Variants in NOCT observed in about 807,000 individuals in gnomAD.
NOCT encodes nocturnin.
A neutral mutation model predicts 35.0 loss-of-function variants in NOCT; 18 were observed. The observed-to-expected ratio is 0.51, with a 90% CI of 0.36 to 0.76. The LOEUF (loss-of-function observed/expected upper bound fraction) is 0.76. NOCT is among the 30% of genes least tolerant of loss of function. The probability of loss-of-function intolerance (pLI) is 0.01; values close to 1 mark genes in which losing one functional copy is unlikely to be tolerated. For missense variants in NOCT, 479 were observed against 541.0 expected (o/e 0.89, Z 1.14); for synonymous variants, 235 against 226.3 (o/e 1.04, Z -0.34).
At chr4:139,044,089 C>G (rs1726891581) in intron 2 of NOCT, among the ~76,000 whole-genome samples, 1 of 149,840 alleles carries the variant, frequency 6.7e-6, no homozygotes, top group Admixed American at 6.7e-5. Flanking sequence ...GTAGCATTGC[C>G]TTTTATGTAA....
intron 1 of NOCT, among the ~76,000 whole-genome samples, chr4:139,017,663 C>T (rs937066041): frequency 6.6e-6 from 1 of 151,680 alleles, no homozygotes; most frequent in Non-Finnish European, 1.5e-5. Context: ...GGCGTGGTGG[C>T]ACTCGCCTGT....
chr4:139,024,216 A>C (rs932231711), intron 1 of NOCT, among the ~76,000 whole-genome samples: 1 of 151,968 alleles, frequency 6.6e-6, no homozygotes, highest in African/African-American at 2.4e-5. Flanking sequence ...GTGCTCCACC[A>C]TGCCTACCTA....
chr4:139,028,688 T>C (rs1726570101), intron 1 of NOCT, among the ~76,000 whole-genome samples: 1 of 152,218 alleles, frequency 6.6e-6, no homozygotes. Context: ...AAGGTGCAGG[T>C]AACTTTCTCC....
rs892032066 is a variant in NOCT at position 139,043,327 on chromosome 4, G to C, written c.444G>C (p.Trp148Cys). 3.1e-6 allele frequency: 5 copies of C among 1,613,536 alleles called. No individual in the cohort carries two copies. Among genetic ancestry groups the C allele is most frequent in the African/African-American group, 2.7e-5 (2 of 74,904 alleles). Residue 148 changes from tryptophan to cysteine, a missense_variant, in exon 2 of 3, where the codon TGG becomes TGC. Physicochemically the swap from Trp to Cys is radical, Grantham distance 215 (BLOSUM62 -2). Around this residue, in one of 2 missense-constraint regions of NOCT, gnomAD observed 265 missense variants for 257.0 expected, o/e 1.03. Coordinates refer to ENST00000280614, the MANE Select transcript of NOCT (RefSeq NM_012118.4). ...ACCCACCTATCAGGGTTATGCAATG[G>C]AACATCCTCGCCCAAGGTATGCTGG... ...STHPPIRVMQ[W>C]NILAQALGEG... is the part of the protein sequence containing the mutation.
intron 1 of NOCT, among the ~76,000 whole-genome samples, chr4:139,021,043 G>A (rs1560728798): frequency 6.7e-6 from 1 of 148,430 alleles, no homozygotes; most frequent in East Asian, 2.0e-4. Flanking sequence ...CTCCAGCCTG[G>A]GCGACAGTAG....
intron 1 of NOCT, among the ~76,000 whole-genome samples, chr4:139,022,411 T>G (rs1726434108): frequency 6.6e-6 from 1 of 152,096 alleles, no homozygotes; most frequent in African/African-American, 2.4e-5. Context: ...ATTGGTACCA[T>G]CCAATTTGAA....
At chr4:139,031,308 C>A (rs1726619441) in intron 1 of NOCT, among the ~76,000 whole-genome samples, 1 of 152,016 alleles carries the variant, frequency 6.6e-6, no homozygotes. Context: ...CACCACCATG[C>A]CTGGCTAATT....
In NOCT at chr4:139,041,165, C is replaced by G. The variant is rs1384910448; in HGVS notation, c.191-1909C>G. Among the ~76,000 whole-genome samples the G allele has an allele frequency of 2.6e-5, 4 of 152,148 alleles. No individual in the cohort carries two copies. The East Asian group carries it at 7.7e-4, about 29-fold the overall frequency. On this transcript the variant is annotated intron_variant, in intron 1 of 2. Coordinates refer to ENST00000280614, the MANE Select transcript of NOCT (RefSeq NM_012118.4). ...CTAGCTTTCTTACTGGAGGGAAAAACTACTTTGAGTAGACAGGAAGGAACA... is the reference window on the plus strand; with the variant it reads ...CTAGCTTTCTTACTGGAGGGAAAAAGTACTTTGAGTAGACAGGAAGGAACA...
intron 1 of NOCT, among the ~76,000 whole-genome samples, chr4:139,041,495 T>G (rs1205537778): frequency 6.6e-6 from 1 of 152,206 alleles, no homozygotes; most frequent in Non-Finnish European, 1.5e-5. Context: ...TAATTTATAC[T>G]ATAATGAAAA....
intron 1 of NOCT, among the ~76,000 whole-genome samples, chr4:139,032,262 G>A (rs1283298051): frequency 0.028 from 2 of 72 alleles, no homozygotes; most frequent in Non-Finnish European, 0.048. Flanking sequence ...TCAGTGGCAG[G>A]GGGATGGGGT....
intron 1 of NOCT, among the ~76,000 whole-genome samples, chr4:139,037,781 A>G (rs1353658170): frequency 1.3e-5 from 2 of 152,094 alleles, no homozygotes; most frequent in African/African-American, 4.8e-5. Flanking sequence ...TCAGCTACTC[A>G]GGAGGCTGAG....
chr4:139,033,847 G>T (rs1726669841), intron 1 of NOCT, among the ~76,000 whole-genome samples: 1 of 151,670 alleles, frequency 6.6e-6, no homozygotes. Flanking sequence ...TGATCCTCCT[G>T]CCCTAGCCAC....
chr4:139,029,632 A>T (rs995378109), intron 1 of NOCT, among the ~76,000 whole-genome samples: 2 of 152,146 alleles, frequency 1.3e-5, no homozygotes, highest in Admixed American at 6.6e-5. Context: ...TTTTAAATTT[A>T]ATATAAGAGA....
At chr4:139,016,265 C>A (rs1726296992) in intron 1 of NOCT, 94 bp downstream of exon 1, 2 of 838,462 alleles carry the variant, frequency 2.4e-6, no homozygotes, top group African/African-American at 1.8e-5. Context: ...AAGCCCGGGG[C>A]TGCCGGTCGT....
At chr4:139,034,802 C>T (rs1476327506) in intron 1 of NOCT, among the ~76,000 whole-genome samples, 1 of 152,202 alleles carries the variant, frequency 6.6e-6, no homozygotes, top group Non-Finnish European at 1.5e-5. Context: ...CTCAAGTGAT[C>T]TGCCCACCTC....
intron 2 of NOCT, 48 bp from the exon 3 acceptor site, chr4:139,044,591 A>T (rs778101631): frequency 7.6e-5 from 93 of 1,231,458 alleles, no homozygotes; most frequent in Non-Finnish European, 1.1e-4. Flanking sequence ...GGTACTTTGA[A>T]GTCACGGTTT....
intron 1 of NOCT, among the ~76,000 whole-genome samples, chr4:139,022,985 C>T (rs886452906): frequency 2.0e-5 from 3 of 151,872 alleles, no homozygotes; most frequent in Non-Finnish European, 4.4e-5. Context: ...CCTGTAATCC[C>T]AGCTATTCGG....
In NOCT at chr4:139,043,292, C is replaced by T. The variant is rs1726871105; in HGVS notation, c.409C>T (p.Pro137Ser). ...TTTTGTGGATCTGAGGACAGATTGC[C>T]CTAGTACCCACCCACCTATCAGGGT... ...RDFVDLRTDC[P>S]STHPPIRVMQ... The change falls in exon 2 of 3, where the codon CCT becomes TCT. Residue 137 changes from proline to serine, a missense_variant. Coordinates refer to ENST00000280614, the MANE Select transcript of NOCT (RefSeq NM_012118.4). 1 of 1,614,008 alleles carries T rather than the reference C, an allele frequency of 6.2e-7. No homozygotes were observed. The highest frequency in any genetic ancestry group is 1.7e-5 in the Admixed American group (1 of 59,982).
intron 1 of NOCT, among the ~76,000 whole-genome samples, chr4:139,031,778 C>T (rs4398481): frequency 0.97 from 147,024 of 152,204 alleles, 71,099 homozygotes; most frequent in Middle Eastern, 0.99. Flanking sequence ...AGTGGCATGA[C>T]CTCAGCTCAC....
Sources: gnomAD v4.1 joint callset for allele counts (sites outside exome capture counted in the v4.1 genomes callset) on GRCh38, gnomAD v4.1.1 for gene constraint, gnomAD v4.1.1 regional missense constraint, MANE v1.5 for transcripts, NCBI Gene and HGNC (gene_info 2026-07-23, HGNC 2026-07-21) for gene names.